CHST6: variants seen among roughly 807,000 people sequenced by gnomAD.
CHST6 encodes the protein carbohydrate sulfotransferase 6.
For missense variants in CHST6, 698 were observed against 586.2 expected (o/e 1.19, Z -1.97); for synonymous variants, 309 against 276.4 (o/e 1.12, Z -1.17).
rs1253889745 is a variant in CHST6, at chr16:75,475,427, C to A, written c.*3214G>T. ...GGTCACACAGCACAGAGTGTCAACA[C>A]AGCAAACCACTAACAGTGGTCAATG... On this transcript the variant is annotated 3_prime_UTR_variant, in exon 3 of 3. Coordinates refer to ENST00000332272, the MANE Select transcript of CHST6 (RefSeq NM_021615.5). 2.0e-5 allele frequency: 3 copies of A among 152,350 alleles called. No homozygotes were observed. The highest frequency in any genetic ancestry group is 2.9e-5 in the Non-Finnish European group (2 of 68,150). The allele number at this position is 152,350 out of a possible 1,614,324, so 9.4% of individuals were successfully genotyped here. A position where few individuals can be genotyped will look rare whatever the true frequency, so the allele number is the denominator to read the frequency against.
Position 75,479,399 on chromosome 16 carries a change from T to TG in CHST6, c.429dup (p.Ser144GlnfsTer78), listed in dbSNP as rs2080110099. ...AGTGGCTTGCACACGGCCTCGCTGC[T>TG]GATGGCGCCTCGGGGAAAGGCACTG... On this transcript the variant is annotated frameshift_variant, in exon 3 of 3. Coordinates refer to ENST00000332272, the MANE Select transcript of CHST6 (RefSeq NM_021615.5). LOFTEE classifies it low-confidence loss of function (END_TRUNC). 6.2e-7 allele frequency: 1 copy of TG among 1,612,714 alleles called. No homozygotes were observed. The highest frequency in any genetic ancestry group is 8.5e-7 in the Non-Finnish European group (1 of 1,179,824).
Position 75,474,073 on chromosome 16 carries a change from GCT to G in CHST6, c.*4566_*4567del, listed in dbSNP as rs1217209157. 6.6e-6 allele frequency: 1 copy of G among 152,194 alleles called. No homozygotes were observed. Among genetic ancestry groups the G allele is most frequent in the Non-Finnish European group, 1.5e-5 (1 of 68,080 alleles). The allele number at this position is 152,194 out of a possible 1,614,324, so 9.4% of individuals were successfully genotyped here. A position where few individuals can be genotyped will look rare whatever the true frequency, so the allele number is the denominator to read the frequency against. On this transcript the variant is annotated 3_prime_UTR_variant, in exon 3 of 3. Transcript: ENST00000332272. Reference sequence around the variant, plus strand: ...ATCTGTAATCCCAGCTACTCGGGAGGCTGAGGCAGGAGAATCGCTTGAAACTG... The same window carrying G: ...ATCTGTAATCCCAGCTACTCGGGAGGGAGGCAGGAGAATCGCTTGAAACTG...
At position 75,478,574 on chromosome 16, in the gene CHST6, GC is replaced by G. The variant is rs977683639; in HGVS notation, c.*66del. The G allele has an allele frequency of 7.2e-6, 11 of 1,528,836 alleles. No individual in the cohort carries two copies. The highest frequency in any genetic ancestry group is 1.0e-5 in the Non-Finnish European group (11 of 1,103,786). The allele number at this position is 1,528,836 out of a possible 1,614,324, so 94.7% of individuals were successfully genotyped here. A position where few individuals can be genotyped will look rare whatever the true frequency, so the allele number is the denominator to read the frequency against. ...AATATAGGGACCTGCTTCTCCGTGC[GC>G]CCCAGCCCCCTCTGCACCATGCACT... On this transcript the variant is annotated 3_prime_UTR_variant, in exon 3 of 3. Transcript: ENST00000332272.
In CHST6 at chr16:75,479,474, C is replaced by A; in HGVS notation, c.355G>T (p.Asp119Tyr). ...CGGCTCACGGCCCACTGGAAGAGGTCGGACAGGTTGCGGCGCCAAGGCAGA... is the reference window on the plus strand; with the variant it reads ...CGGCTCACGGCCCACTGGAAGAGGTAGGACAGGTTGCGGCGCCAAGGCAGA... The part of the protein sequence containing the change: ...AYLPWRRNLS[D>Y]LFQWAVSRAL... The change falls in exon 3 of 3, where the codon GAC becomes TAC. Residue 119 changes from aspartate to tyrosine, a missense_variant. Asp to Tyr is a radical substitution (Grantham distance 160). Coordinates refer to ENST00000332272, the MANE Select transcript of CHST6 (RefSeq NM_021615.5). The A allele has an allele frequency of 1.2e-6, 2 of 1,612,904 alleles. No homozygotes were observed. The highest frequency in any genetic ancestry group is 1.3e-5 in the African/African-American group (1 of 75,032).
At chr16:75,490,038 C>T (rs377194740) in intron 1 of CHST6, among the ~76,000 whole-genome samples, 35 of 150,632 alleles carry the variant, frequency 2.3e-4, no homozygotes, top group African/African-American at 7.6e-4. Flanking sequence ...ACTAGCCAGG[C>T]GTGGTGGCAG....
chr16:75,487,551 A>G (rs1048931399), intron 1 of CHST6, among the ~76,000 whole-genome samples: 1 of 152,116 alleles, frequency 6.6e-6, no homozygotes, highest in Non-Finnish European at 1.5e-5. Flanking sequence ...CTGTAATCAT[A>G]GCACTTGGGA....
intron 1 of CHST6, among the ~76,000 whole-genome samples, chr16:75,484,311 TG>T (rs1178165882): frequency 6.6e-6 from 1 of 152,154 alleles, no homozygotes; most frequent in Admixed American, 6.5e-5. Context: ...CACTCCAGCC[TG>T]GGTGACAGAG....
chr16:75,480,149 A>G (rs1218802922), intron 2 of CHST6, among the ~76,000 whole-genome samples: 1 of 152,108 alleles, frequency 6.6e-6, no homozygotes, highest in African/African-American at 2.4e-5. Flanking sequence ...ACCTACCCAC[A>G]TTACCATTGT....
At position 75,473,770 on chromosome 16, in the gene CHST6, C is replaced by T. The variant is rs1357108555; in HGVS notation, c.*4871G>A. The T allele has an allele frequency of 6.6e-6, 1 of 152,196 alleles. No homozygotes were observed. Among genetic ancestry groups the T allele is most frequent in the Non-Finnish European group, 1.5e-5 (1 of 68,042 alleles). The allele number at this position is 152,196 out of a possible 1,614,324, so 9.4% of individuals were successfully genotyped here. A position where few individuals can be genotyped will look rare whatever the true frequency, so the allele number is the denominator to read the frequency against. ...GTTGTCCTTGGTCATCCTATCTCTACAAATTTATTGTATTTTTTAAAAATG... is the reference window on the plus strand; with the variant it reads ...GTTGTCCTTGGTCATCCTATCTCTATAAATTTATTGTATTTTTTAAAAATG... On this transcript the variant is annotated 3_prime_UTR_variant, in exon 3 of 3. Coordinates refer to ENST00000332272, the MANE Select transcript of CHST6 (RefSeq NM_021615.5).
At position 75,479,712 on chromosome 16, in the gene CHST6, C is replaced by T. The variant is rs1423186131; in HGVS notation, c.117G>A (p.Ala39=). The T allele has an allele frequency of 6.2e-7, 1 of 1,609,032 alleles. No homozygotes were observed. The highest frequency in any genetic ancestry group is 8.5e-7 in the Non-Finnish European group (1 of 1,177,802). Residue 39 remains alanine, a synonymous_variant, in exon 3 of 3, where the codon GCG becomes GCA. Transcript: ENST00000332272. ...PGPSSPAGGE[A]RVHVLVLSSW... The stretch of plus-strand genomic sequence containing the variant: ...AGGACAGCACCAGCACATGCACGCG[C>T]GCCTCGCCGCCTGCTGGGGACGAGG...
intron 1 of CHST6, among the ~76,000 whole-genome samples, chr16:75,485,946 A>T (rs911924621): frequency 6.6e-6 from 1 of 152,216 alleles, no homozygotes; most frequent in Non-Finnish European, 1.5e-5. Context: ...CATCTTGTAC[A>T]GTTGCCCCCA....
intron 1 of CHST6, among the ~76,000 whole-genome samples, chr16:75,493,547 G>A (rs1011808667): frequency 2.6e-5 from 4 of 151,962 alleles, no homozygotes; most frequent in Non-Finnish European, 4.4e-5. Context: ...GTAAAGTGGG[G>A]GAAACAATAT....
chr16:75,479,848 A>C lies in CHST6; in HGVS notation c.-16-4T>G. ...CCACATGCTGACTGCTGGGGGCCTT[A>C]GGGAGGAGAGCGCAGCGGTTAGGGG... On this transcript the variant is annotated splice_region_variant and splice_polypyrimidine_tract_variant and intron_variant, in intron 2 of 2. Coordinates refer to ENST00000332272, the MANE Select transcript of CHST6 (RefSeq NM_021615.5). 6.5e-7 allele frequency: 1 copy of C among 1,544,470 alleles called. No homozygotes were observed. Among genetic ancestry groups the C allele is most frequent in the African/African-American group, 1.4e-5 (1 of 73,458 alleles).
In CHST6 at chr16:75,479,466, G is replaced by C. The variant is rs1265310255; in HGVS notation, c.363C>G (p.Phe121Leu). 5.6e-6 allele frequency: 9 copies of C among 1,612,830 alleles called. No homozygotes were observed. Among genetic ancestry groups the C allele is most frequent in the Non-Finnish European group, 6.8e-6 (8 of 1,179,878 alleles). ...LPWRRNLSDLFQWAVSRALCS... is the reference protein window; with the variant it reads ...LPWRRNLSDLLQWAVSRALCS... ...ACAGTGCACGGCTCACGGCCCACTG[G>C]AAGAGGTCGGACAGGTTGCGGCGCC... is the stretch of plus-strand genomic sequence containing the variant. The change falls in exon 3 of 3, where the codon TTC (phenylalanine) becomes TTG (leucine). Residue 121 changes from phenylalanine (F) to leucine (L), a missense_variant. Transcript: ENST00000332272.
At position 75,478,878 on chromosome 16, in the gene CHST6, T is replaced by A. The variant is rs556588581; in HGVS notation, c.951A>T (p.Glu317Asp). 2 of 1,613,404 alleles carry A rather than the reference T, an allele frequency of 1.2e-6. No homozygotes were observed. Among genetic ancestry groups the A allele is most frequent in the Admixed American group, 1.7e-5 (1 of 60,030 alleles). ...CATTCCTGGACGAAGTCTTGAAGGC[T>A]TCGCGGCGCGCACCAGGTCCAGATC... Reference protein sequence around the residue: ...THGSGPGARREAFKTSSRNAL... With the variant: ...THGSGPGARRDAFKTSSRNAL... Residue 317 changes from glutamate (E) to aspartate (D), a missense_variant, in exon 3 of 3, where the codon GAA becomes GAT. Glu to Asp is a conservative substitution (Grantham distance 45). Transcript: ENST00000332272.
In CHST6 at chr16:75,479,446, G is replaced by A. The variant is rs72547543; in HGVS notation, c.383C>T (p.Ala128Val). ...SDLFQWAVSR[A>V]LCSPPACSAF... ...ACTGCAGGCGGGTGGCGAGCACAGT[G>A]CACGGCTCACGGCCCACTGGAAGAG... The change falls in exon 3 of 3, where the codon GCA becomes GTA. Residue 128 changes from alanine (A) to valine (V), a missense_variant. Coordinates refer to ENST00000332272, the MANE Select transcript of CHST6 (RefSeq NM_021615.5). 1.9e-6 allele frequency: 3 copies of A among 1,612,902 alleles called. No individual in the cohort carries two copies. Among genetic ancestry groups the A allele is most frequent in the Non-Finnish European group, 2.5e-6 (3 of 1,179,854 alleles).
In CHST6 at chr16:75,482,051, G is replaced by C. The variant is rs545422669; in HGVS notation, c.-91-160C>G. Among the ~76,000 whole-genome samples, 3 of 152,254 alleles carry C rather than the reference G, an allele frequency of 2.0e-5. No individual in the cohort carries two copies. In the South Asian group the frequency reaches 6.2e-4, roughly 32 times the overall value. ...ATGCTGCTGCAAACACCTATGAAGA[G>C]GGGGCCTGGGAAAGCATTCCTTACA... is the stretch of plus-strand genomic sequence containing the variant. On this transcript the variant is annotated intron_variant, in intron 1 of 2. Transcript: ENST00000332272.
chr16:75,478,132 C>T lies in CHST6; in HGVS notation c.*509G>A, dbSNP rs546605407. ...CCACTGGAGACCCAGAGCAAAAGCT[C>T]TCTCCTCCCTTCATCCTCCTTCTCA... On this transcript the variant is annotated 3_prime_UTR_variant, in exon 3 of 3. Coordinates refer to ENST00000332272, the MANE Select transcript of CHST6 (RefSeq NM_021615.5). 5.2e-6 allele frequency: 1 copy of T among 190,498 alleles called. No individual in the cohort carries two copies. The highest frequency in any genetic ancestry group is 2.4e-5 in the African/African-American group (1 of 42,540). 11.8% of individuals were successfully genotyped at this position (190,498 alleles called of 1,614,324 possible). A position where few individuals can be genotyped will look rare whatever the true frequency, so the allele number is the denominator to read the frequency against.
Position 75,474,425 on chromosome 16 carries a change from A to G in CHST6, c.*4216T>C, listed in dbSNP as rs1335665976. The G allele has an allele frequency of 5.2e-6, 2 of 387,134 alleles. No individual in the cohort carries two copies. The highest frequency in any genetic ancestry group is 9.1e-6 in the Non-Finnish European group (2 of 219,390). 24.0% of individuals were successfully genotyped at this position (387,134 alleles called of 1,614,324 possible). On this transcript the variant is annotated 3_prime_UTR_variant, in exon 3 of 3. Coordinates refer to ENST00000332272, the MANE Select transcript of CHST6 (RefSeq NM_021615.5). ...AAGTAGCTAGGACTACAGGTGCACG[A>G]CACCATGCCCTGCTAATTTTTTTTT...
Sources: gnomAD v4.1 joint callset for allele counts (sites outside exome capture counted in the v4.1 genomes callset) on GRCh38, gnomAD v4.1.1 for gene constraint, MANE v1.5 for transcripts, NCBI Gene and HGNC (gene_info 2026-07-23, HGNC 2026-07-21) for gene names.